The following ATP9B variants were observed in gnomAD, a reference collection of about 807,000 sequenced individuals.
The protein encoded by ATP9B is probable phospholipid-transporting ATPase IIB.
ATP9B carries 110 observed loss-of-function variants against 146.1 expected under a neutral mutation model. The ratio of observed to expected loss-of-function variants is 0.75; its 90% CI spans 0.65 to 0.88. ATP9B has a LOEUF of 0.88. ATP9B is among the 40% of genes least tolerant of loss of function. ATP9B has a pLI of 0.00. For missense variants in ATP9B, 1,499 were observed against 1,496.4 expected (o/e 1.00, Z -0.03); for synonymous variants, 604 against 569.7 (o/e 1.06, Z -0.86).
chr18:79,162,318 A>T (rs1442252103), intron 7 of ATP9B, among the ~76,000 whole-genome samples: 2 of 152,216 alleles, frequency 1.3e-5, no homozygotes, highest in Non-Finnish European at 2.9e-5. Flanking sequence ...ATTGTTTAGA[A>T]TGTAAATGAA....
intron 8 of ATP9B, among the ~76,000 whole-genome samples, chr18:79,179,701 AT>A (rs2095227125): frequency 6.6e-6 from 1 of 152,170 alleles, no homozygotes; most frequent in Admixed American, 6.5e-5. Flanking sequence ...AACTTGTGAT[AT>A]GGCCCAGCAT....
intron 14 of ATP9B, among the ~76,000 whole-genome samples, chr18:79,305,600 A>T (rs9945689): frequency 0.45 from 66,405 of 149,004 alleles, 14,684 homozygotes; most frequent in Middle Eastern, 0.57. Flanking sequence ...TCTGCTTTTT[A>T]AAAAAAAAAA....
chr18:79,189,403 C>G (rs1248597036), intron 8 of ATP9B, among the ~76,000 whole-genome samples: 1 of 151,984 alleles, frequency 6.6e-6, no homozygotes, highest in Admixed American at 6.6e-5. Context: ...ACCCTTTGTA[C>G]TATACATTCC....
At chr18:79,071,588 A>G (rs918450788) in intron 1 of ATP9B, among the ~76,000 whole-genome samples, 1 of 151,576 alleles carries the variant, frequency 6.6e-6, no homozygotes, top group African/African-American at 2.4e-5. Context: ...ATCTTGCTAT[A>G]TTGCCCAACT....
chr18:79,255,924 A>G (rs1353854542), intron 12 of ATP9B, among the ~76,000 whole-genome samples: 1 of 152,014 alleles, frequency 6.6e-6, no homozygotes, highest in Non-Finnish European at 1.5e-5. Flanking sequence ...TTTTTATTAG[A>G]GCTTCATGAC....
Position 79,320,151 on chromosome 18 carries a change from CT to C in ATP9B, c.1774-8987del. Reference sequence around the variant, plus strand: ...TCATTTTAAATAGGAGATCTTTTAGCTTTCATTTATTCAAGAAATAAGTCGT... The same window carrying C: ...TCATTTTAAATAGGAGATCTTTTAGCTTCATTTATTCAAGAAATAAGTCGT... On this transcript the variant is annotated intron_variant, in intron 15 of 29. Transcript: ENST00000426216. 2.0e-5 allele frequency among the ~76,000 whole-genome samples: 3 copies of C among 152,352 alleles called. 1 individual carries two copies. The South Asian group carries it at 6.2e-4, about 32-fold the overall frequency.
chr18:79,367,324 C>G (rs2097038716), intron 26 of ATP9B, among the ~76,000 whole-genome samples: 1 of 138,972 alleles, frequency 7.2e-6, no homozygotes, highest in Non-Finnish European at 1.6e-5. Context: ...CGTGTGTACG[C>G]AGAGAAAGTG....
rs887042741 is a variant in ATP9B at position 79,336,827 on chromosome 18, A to C, written c.2112+116A>C. The C allele has an allele frequency of 6.6e-6, 7 of 1,062,296 alleles. No individual in the cohort carries two copies. In the Admixed American group the frequency reaches 8.5e-5, roughly 13 times the overall value. 65.8% of individuals were successfully genotyped at this position (1,062,296 alleles called of 1,614,324 possible). A position where few individuals can be genotyped will look rare whatever the true frequency, so the allele number is the denominator to read the frequency against. ...TGGGATCGCTATAGTCTAGGAGTGA[A>C]GGCAGCTTCGCTCAGCAGGAGCATG... On this transcript the variant is annotated intron_variant, in intron 18 of 29. Coordinates refer to ENST00000426216, the MANE Select transcript of ATP9B (RefSeq NM_198531.5).
intron 8 of ATP9B, among the ~76,000 whole-genome samples, chr18:79,185,677 G>A (rs181778075): frequency 6.6e-6 from 1 of 152,302 alleles, no homozygotes; most frequent in East Asian, 1.9e-4. Flanking sequence ...AGAAAGCTCT[G>A]ATTTCATTAT....
At position 79,347,813 on chromosome 18, in the gene ATP9B, A is replaced by G. The variant is rs769654821; in HGVS notation, c.2726A>G (p.Gln909Arg). ...ASLAADFSIT[Q>R]FRHIGRLLMV... ...CTGGCGGCCGACTTCTCCATCACGC[A>G]GTTCCGGCACATAGGCAGGCTGCTC... The change falls in exon 24 of 30, where the codon CAG becomes CGG. Residue 909 changes from glutamine to arginine, a missense_variant. Transcript: ENST00000426216. 2.0e-5 allele frequency: 32 copies of G among 1,609,828 alleles called. No homozygotes were observed. The highest frequency in any genetic ancestry group is 2.5e-5 in the Non-Finnish European group (29 of 1,177,168).
At chr18:79,241,785 G>C (rs117287732) in intron 11 of ATP9B, among the ~76,000 whole-genome samples, 2 of 152,226 alleles carry the variant, frequency 1.3e-5, no homozygotes, top group Non-Finnish European at 2.9e-5. Flanking sequence ...TCTTCTGCTG[G>C]CTGAATAATT....
intron 11 of ATP9B, among the ~76,000 whole-genome samples, chr18:79,245,297 C>T (rs1423930749): frequency 6.6e-6 from 1 of 152,194 alleles, no homozygotes; most frequent in Non-Finnish European, 1.5e-5. Flanking sequence ...AATGCCACTT[C>T]TATGAATGAT....
chr18:79,348,122 C>G lies in ATP9B; in HGVS notation c.2839-10C>G. ...TGACAGTTGTCTTCGTCTGTGGGCT[C>G]TCTCTCCAGGCTGTGTTTTCCTCAG... On this transcript the variant is annotated splice_polypyrimidine_tract_variant and intron_variant, in intron 24 of 29. Coordinates refer to ENST00000426216, the MANE Select transcript of ATP9B (RefSeq NM_198531.5). 1 of 1,613,842 alleles carries G rather than the reference C, an allele frequency of 6.2e-7. No homozygotes were observed. Among genetic ancestry groups the G allele is most frequent in the East Asian group, 2.2e-5 (1 of 44,844 alleles).
chr18:79,317,342 G>GA (rs2096686456), intron 15 of ATP9B, among the ~76,000 whole-genome samples: 1 of 151,972 alleles, frequency 6.6e-6, no homozygotes, highest in African/African-American at 2.4e-5. Context: ...ACATAAATTT[G>GA]AAAAAAGAAA....
intron 28 of ATP9B, 103 bp from the exon 29 acceptor site, chr18:79,375,291 T>C (rs2097096508): frequency 9.2e-7 from 1 of 1,082,958 alleles, no homozygotes; most frequent in Admixed American, 2.1e-5. Context: ...ACTGCCATTT[T>C]ATTGCTTTTT....
Position 79,205,972 on chromosome 18 carries a change from G to A in ATP9B, c.955-965G>A, listed in dbSNP as rs548057026. ...TTTTTTTTCTTTGAGACAGAGTCTC[G>A]CTCTGTCGCCCAGGCTGGAGTGAAG... On this transcript the variant is annotated intron_variant, in intron 9 of 29. Transcript: ENST00000426216. 3.7e-4 allele frequency among the ~76,000 whole-genome samples: 55 copies of A among 149,178 alleles called. No homozygotes were observed. In the South Asian group the frequency reaches 9.7e-3, roughly 26 times the overall value.
chr18:79,301,186 T>G (rs2096588014), intron 13 of ATP9B, among the ~76,000 whole-genome samples: 2 of 151,988 alleles, frequency 1.3e-5, no homozygotes, highest in South Asian at 2.1e-4. Context: ...TCATCTCACA[T>G]TTTTGCTATT....
At chr18:79,329,067 A>G (rs1784740068) in intron 15 of ATP9B, 74 bp from the exon 16 acceptor site, 3 of 1,384,384 alleles carry the variant, frequency 2.2e-6, no homozygotes, top group African/African-American at 1.5e-5. Context: ...CTTTCTGAGC[A>G]CTGCCGTGCT....
intron 9 of ATP9B, among the ~76,000 whole-genome samples, chr18:79,204,080 A>T (rs2095513320): frequency 6.6e-6 from 1 of 152,218 alleles, no homozygotes; most frequent in African/African-American, 2.4e-5. Flanking sequence ...GGGATAACTC[A>T]GTTTTTCTGG....
Sources: allele counts gnomAD v4.1 joint callset (sites outside exome capture counted in the v4.1 genomes callset), GRCh38; gene constraint gnomAD v4.1.1; transcripts MANE v1.5; gene names NCBI Gene and HGNC (gene_info 2026-07-23, HGNC 2026-07-21).